Variants in GABBR1 observed in about 807,000 individuals in gnomAD.
The protein encoded by GABBR1 is gamma-aminobutyric acid type B receptor subunit 1, also known as GABA-B receptor, R1 subunit.
In GABBR1, 35 loss-of-function variants were observed where a neutral mutation model predicts 117.7. The ratio of observed to expected loss-of-function variants is 0.30; its 90% CI spans 0.23 to 0.39. The LOEUF is 0.39. Among genes scored for constraint, GABBR1 ranks in the 10% least tolerant of loss-of-function variants. The pLI, the probability that GABBR1 is intolerant of heterozygous loss-of-function variation, is 1.00. For missense variants in GABBR1, 709 were observed against 1,241.8 expected, an observed-to-expected ratio of 0.57 and a Z score of 6.45; for synonymous variants, 442 against 486.6, an observed-to-expected ratio of 0.91 and a Z score of 1.21.
At position 29,621,105 on chromosome 6, in the gene GABBR1, T is replaced by C; in HGVS notation, c.1319A>G (p.Asn440Ser). ...TGCAAGTCCCCACACTCTCACCATG[T>C]TGGAAATGCTGCGGGTATTGGCAGG... ...LNPANTRSISNMTSQEFVEKL... is the reference protein window; with the variant it reads ...LNPANTRSISSMTSQEFVEKL... Residue 440 changes from asparagine (N) to serine (S), a missense_variant, in exon 11 of 23, where the codon AAC becomes AGC. Asn to Ser is a conservative substitution (Grantham distance 46). This residue lies in a region of GABBR1 where 192 missense variants were observed against 418.4 expected (regional missense o/e 0.46). Coordinates refer to ENST00000377034, the MANE Select transcript of GABBR1 (RefSeq NM_001470.4). The surrounding 1 kb of genome is among the most constrained non-coding windows in gnomAD (Gnocchi z 5.0). 1.2e-6 allele frequency: 2 copies of C among 1,612,078 alleles called. No homozygotes were observed. The highest frequency in any genetic ancestry group is 2.2e-5 in the East Asian group (1 of 44,876).
rs1029798845 is a variant in GABBR1 at position 29,606,269 on chromosome 6, A to G, written c.2311+122T>C. The G allele has an allele frequency of 2.7e-6, 2 of 730,766 alleles. No individual in the cohort carries two copies. Among genetic ancestry groups the G allele is most frequent in the Non-Finnish European group, 5.0e-6 (2 of 403,616 alleles). 45.3% of individuals were successfully genotyped at this position (730,766 alleles called of 1,614,324 possible). A position where few individuals can be genotyped will look rare whatever the true frequency, so the allele number is the denominator to read the frequency against. The stretch of plus-strand genomic sequence containing the variant: ...TGCAATAACAAAGAGTAGGGTGTTC[A>G]AACTGGGTTGACAAGCTCTCTACCT... On this transcript the variant is annotated intron_variant, in intron 19 of 22. Transcript: ENST00000377034. This position sits in a 1 kb window ranked among gnomAD's most constrained non-coding sequence, Gnocchi z 4.5.
Position 29,625,557 on chromosome 6 carries a change from C to A in GABBR1, c.658-1533G>T, listed in dbSNP as rs186601321. On this transcript the variant is annotated intron_variant, in intron 6 of 22. Coordinates refer to ENST00000377034, the MANE Select transcript of GABBR1 (RefSeq NM_001470.4). ...CTCCCCAATAGATTTCCTTAGTTCTCCTCCCTCTCTTTGCTCTTGCAAGGA... is the reference window on the plus strand; with the variant it reads ...CTCCCCAATAGATTTCCTTAGTTCTACTCCCTCTCTTTGCTCTTGCAAGGA... Among the ~76,000 whole-genome samples the A allele has an allele frequency of 4.1e-4, 63 of 152,286 alleles. 1 individual carries two copies. The East Asian group carries it at 0.012, about 29-fold the overall frequency.
At position 29,605,352 on chromosome 6, in the gene GABBR1, A is replaced by G; in HGVS notation, c.2439+217T>C. ...GTTTCCTCACCTATAAAGTGGGGAT[A>G]CTAATATCTACTTCACTGGGTAGTT... On this transcript the variant is annotated intron_variant, in intron 20 of 22. Transcript: ENST00000377034. The surrounding 1 kb of genome is among the most constrained non-coding windows in gnomAD (Gnocchi z 4.2). The G allele has an allele frequency of 1.8e-5, 11 of 603,890 alleles. No homozygotes were observed. The highest frequency in any genetic ancestry group is 2.9e-5 in the Non-Finnish European group (10 of 345,594). The allele number at this position is 603,890 out of a possible 1,614,324, so 37.4% of individuals were successfully genotyped here. A position where few individuals can be genotyped will look rare whatever the true frequency, so the allele number is the denominator to read the frequency against.
rs760630824 is a variant in GABBR1 at position 29,611,017 on chromosome 6, T to C, written c.1631-16A>G. Reference sequence around the variant, plus strand: ...TAGCTGCCACCTGGGCAGACGACAATAAAAGGAGTGACCACAGGTAGCCAA... The same window carrying C: ...TAGCTGCCACCTGGGCAGACGACAACAAAAGGAGTGACCACAGGTAGCCAA... On this transcript the variant is annotated splice_polypyrimidine_tract_variant and intron_variant, in intron 13 of 22. Transcript: ENST00000377034. This position sits in a 1 kb window ranked among gnomAD's most constrained non-coding sequence, Gnocchi z 4.6. 6 of 1,607,570 alleles carry C rather than the reference T, an allele frequency of 3.7e-6. No individual in the cohort carries two copies. Among genetic ancestry groups the C allele is most frequent in the South Asian group, 1.1e-5 (1 of 90,962 alleles).
chr6:29,622,448 G>GCCACTCCATTCAC lies in GABBR1; in HGVS notation c.964-256_964-244dup. On this transcript the variant is annotated intron_variant, in intron 8 of 22. Transcript: ENST00000377034. The surrounding 1 kb of genome is among the most constrained non-coding windows in gnomAD (Gnocchi z 4.6). The stretch of plus-strand genomic sequence containing the variant: ...CCTGCTGAGGCTCTGTGTGGGGGAA[G>GCCACTCCATTCAC]CCACTCCATTCACCCACTCCTACCA... 1 of 532,840 alleles carries GCCACTCCATTCAC rather than the reference G, an allele frequency of 1.9e-6. No individual in the cohort carries two copies. Among genetic ancestry groups the GCCACTCCATTCAC allele is most frequent in the Non-Finnish European group, 3.4e-6 (1 of 298,344 alleles). 33.0% of individuals were successfully genotyped at this position (532,840 alleles called of 1,614,324 possible).
rs544578031 is a variant in GABBR1, at chr6:29,613,592, T to G, written c.1324-107A>C. The G allele has an allele frequency of 2.7e-5, 37 of 1,362,010 alleles. 1 individual carries two copies. In the South Asian group the frequency reaches 5.0e-4, roughly 18 times the overall value. The allele number at this position is 1,362,010 out of a possible 1,614,324, so 84.4% of individuals were successfully genotyped here. A position where few individuals can be genotyped will look rare whatever the true frequency, so the allele number is the denominator to read the frequency against. On this transcript the variant is annotated intron_variant, in intron 11 of 22. Transcript: ENST00000377034. This position sits in a 1 kb window ranked among gnomAD's most constrained non-coding sequence, Gnocchi z 4.1. ...CACTTCTACTTGAATGGATGGTTTG[T>G]GTTACTGTTGTCAGATTGGACACAT...
In GABBR1 at chr6:29,630,896, CT is replaced by C. The variant is rs1357650228; in HGVS notation, c.290-254del. ...GCTATAAGCACACAAAATGGGATCT[CT>C]TCAAAGTCAGCTACAGTGGGCGGTT... is the stretch of plus-strand genomic sequence containing the variant. On this transcript the variant is annotated intron_variant, in intron 3 of 22. Coordinates refer to ENST00000377034, the MANE Select transcript of GABBR1 (RefSeq NM_001470.4). The surrounding 1 kb of genome is among the most constrained non-coding windows in gnomAD (Gnocchi z 4.9). Among the ~76,000 whole-genome samples, 3 of 152,172 alleles carry C rather than the reference CT, an allele frequency of 2.0e-5. No individual in the cohort carries two copies. Among genetic ancestry groups the C allele is most frequent in the African/African-American group, 7.2e-5 (3 of 41,434 alleles).
chr6:29,605,165 C>A lies in GABBR1; in HGVS notation c.2440-177G>T. The A allele has an allele frequency of 2.8e-6, 2 of 717,060 alleles. No homozygotes were observed. The highest frequency in any genetic ancestry group is 2.2e-6 in the Non-Finnish European group (1 of 453,662). The allele number at this position is 717,060 out of a possible 1,614,324, so 44.4% of individuals were successfully genotyped here. ...GATTGAGAAAAATCTCAAACTGTCC[C>A]AAACCAGTTTTCACTCTTGGTTAAC... On this transcript the variant is annotated intron_variant, in intron 20 of 22. Coordinates refer to ENST00000377034, the MANE Select transcript of GABBR1 (RefSeq NM_001470.4). This position sits in a 1 kb window ranked among gnomAD's most constrained non-coding sequence, Gnocchi z 4.2.
At chr6:29,610,105 T>C (rs921023865) in intron 14 of GABBR1, among the ~76,000 whole-genome samples, 1 of 150,218 alleles carries the variant, frequency 6.7e-6, no homozygotes, top group Non-Finnish European at 1.5e-5. Flanking sequence ...CCAGCAGTGC[T>C]GGGAATGACT....
In GABBR1 at chr6:29,630,111, A is replaced by C. The variant is rs547162274; in HGVS notation, c.475+347T>G. 1 of 256,366 alleles carries C rather than the reference A, an allele frequency of 3.9e-6. No homozygotes were observed. The highest frequency in any genetic ancestry group is 2.2e-5 in the African/African-American group (1 of 45,474). The allele number at this position is 256,366 out of a possible 1,614,324, so 15.9% of individuals were successfully genotyped here. A position where few individuals can be genotyped will look rare whatever the true frequency, so the allele number is the denominator to read the frequency against. On this transcript the variant is annotated intron_variant, in intron 4 of 22. Transcript: ENST00000377034. This position sits in a 1 kb window ranked among gnomAD's most constrained non-coding sequence, Gnocchi z 4.9. ...ATTCTAGAAGAGGGTGATGCATGGA[A>C]ATTTCTAAGTTTAGAGAAAGGGAAA...
In GABBR1 at chr6:29,622,227, A is replaced by C; in HGVS notation, c.964-22T>G. ...GAGTCTTGGGTGGGAATAAAAAACAAGTTGGAAAAACACGGGGTGCATGAG... is the reference window on the plus strand; with the variant it reads ...GAGTCTTGGGTGGGAATAAAAAACACGTTGGAAAAACACGGGGTGCATGAG... On this transcript the variant is annotated intron_variant, in intron 8 of 22. Coordinates refer to ENST00000377034, the MANE Select transcript of GABBR1 (RefSeq NM_001470.4). This position sits in a 1 kb window ranked among gnomAD's most constrained non-coding sequence, Gnocchi z 4.6. 6.4e-7 allele frequency: 1 copy of C among 1,563,360 alleles called. No individual in the cohort carries two copies. The highest frequency in any genetic ancestry group is 2.2e-5 in the East Asian group (1 of 44,614).
chr6:29,627,995 C>T lies in GABBR1; in HGVS notation c.497-349G>A. 1 of 1,339,286 alleles carries T rather than the reference C, an allele frequency of 7.5e-7. No individual in the cohort carries two copies. The highest frequency in any genetic ancestry group is 9.5e-7 in the Non-Finnish European group (1 of 1,054,362). 83.0% of individuals were successfully genotyped at this position (1,339,286 alleles called of 1,614,324 possible). ...TCGCCACCGTCGCCGCCACCGCGGA[C>T]TCTCCTCGCGGACTGACTGACCGAC... is the stretch of plus-strand genomic sequence containing the variant. On this transcript the variant is annotated intron_variant, in intron 5 of 22. Transcript: ENST00000377034. This position sits in a 1 kb window ranked among gnomAD's most constrained non-coding sequence, Gnocchi z 4.4.
rs1305157743 is a variant in GABBR1, at chr6:29,611,822, A to G, written c.1630+729T>C. Among the ~76,000 whole-genome samples the G allele has an allele frequency of 6.6e-6, 1 of 151,882 alleles. No individual in the cohort carries two copies. On this transcript the variant is annotated intron_variant, in intron 13 of 22. Coordinates refer to ENST00000377034, the MANE Select transcript of GABBR1 (RefSeq NM_001470.4). This position sits in a 1 kb window ranked among gnomAD's most constrained non-coding sequence, Gnocchi z 4.6. ...CAAGCTATACACATTGAAGCTTTAC[A>G]CAGCAAGGAAATTTGGCAGATTCCC... is the stretch of plus-strand genomic sequence containing the variant.
Position 29,630,544 on chromosome 6 carries a change from C to A in GABBR1, c.389G>T (p.Arg130Leu). 2 of 1,613,102 alleles carry A rather than the reference C, an allele frequency of 1.2e-6. No individual in the cohort carries two copies. The highest frequency in any genetic ancestry group is 1.7e-6 in the Non-Finnish European group (2 of 1,180,032). The change falls in exon 4 of 23, where the codon CGG (arginine) becomes CTG (leucine). Residue 130 changes from arginine to leucine, a missense_variant. This residue lies in a region of GABBR1 where 101 missense variants were observed against 132.3 expected (regional missense o/e 0.76). Coordinates refer to ENST00000377034, the MANE Select transcript of GABBR1 (RefSeq NM_001470.4). The surrounding 1 kb of genome is among the most constrained non-coding windows in gnomAD (Gnocchi z 4.9). ...PALDGARVDF[R>L]CDPDFHLVGS... ...CACCAGATGGAAGTCGGGGTCACAC[C>A]GGAAATCCACCCGGGCTCCGTCCAG...
In GABBR1 at chr6:29,630,530, A is replaced by C; in HGVS notation, c.403T>G (p.Phe135Val). The C allele has an allele frequency of 6.2e-7, 1 of 1,613,104 alleles. No individual in the cohort carries two copies. The highest frequency in any genetic ancestry group is 8.5e-7 in the Non-Finnish European group (1 of 1,180,030). The change falls in exon 4 of 23, where the codon TTC becomes GTC. Residue 135 changes from phenylalanine to valine, a missense_variant. By Grantham distance (50) the Phe-to-Val change is conservative. Coordinates refer to ENST00000377034, the MANE Select transcript of GABBR1 (RefSeq NM_001470.4). This position sits in a 1 kb window ranked among gnomAD's most constrained non-coding sequence, Gnocchi z 4.9. ...CTCCGGGAGCTGCCCACCAGATGGA[A>C]GTCGGGGTCACACCGGAAATCCACC... Reference protein sequence around the residue: ...ARVDFRCDPDFHLVGSSRSIC... With the variant: ...ARVDFRCDPDVHLVGSSRSIC...
intron 4 of GABBR1, 103 bp from the exon 5 acceptor site, chr6:29,629,210 G>C (rs780276343): frequency 3.8e-6 from 5 of 1,329,038 alleles, no homozygotes; most frequent in South Asian, 1.2e-5. Context: ...GCTGAAGACC[G>C]GGGAGAGCAG....
In GABBR1 at chr6:29,620,767, A is replaced by C. The variant is rs29223; in HGVS notation, c.1323+334T>G. Among the ~76,000 whole-genome samples the C allele has an allele frequency of 0.098, 14,898 of 152,242 alleles. 857 individuals carry two copies. Among genetic ancestry groups the C allele is most frequent in the Middle Eastern group, 0.21 (62 of 294 alleles). On this transcript the variant is annotated intron_variant, in intron 11 of 22. Coordinates refer to ENST00000377034, the MANE Select transcript of GABBR1 (RefSeq NM_001470.4). The surrounding 1 kb of genome is among the most constrained non-coding windows in gnomAD (Gnocchi z 4.5). ...CAGTGCTCCTGTAAAGGTGTGCTTG[A>C]GTATACAAGCATCCATATTATCATT...
Position 29,627,626 on chromosome 6 carries a change from C to A in GABBR1, c.517G>T (p.Gly173Trp), listed in dbSNP as rs866745565. The A allele has an allele frequency of 6.4e-7, 1 of 1,560,178 alleles. No homozygotes were observed. Among genetic ancestry groups the A allele is most frequent in the East Asian group, 2.4e-5 (1 of 41,740 alleles). Residue 173 changes from glycine to tryptophan, a missense_variant, in exon 6 of 23, where the codon GGG becomes TGG. Around this residue, in one of 9 missense-constraint regions of GABBR1, gnomAD observed 192 missense variants for 418.4 expected, o/e 0.46. Transcript: ENST00000377034. The surrounding 1 kb of genome is among the most constrained non-coding windows in gnomAD (Gnocchi z 4.4). The part of the protein sequence containing the change: ...PHSERRAVYI[G>W]ALFPMSGGWP... ...CCCCCGCTCATGGGAAACAGTGCCC[C>A]GATGTACACTGCGCGCCGTTCTGAG...
At chr6:29,619,630 A>G (rs1250509100) in intron 11 of GABBR1, among the ~76,000 whole-genome samples, 1 of 151,610 alleles carries the variant, frequency 6.6e-6, no homozygotes, top group Non-Finnish European at 1.5e-5. Context: ...GCTGGGGACT[A>G]CAGGTGTGAG....
Sources: allele counts gnomAD v4.1 joint callset (sites outside exome capture counted in the v4.1 genomes callset), GRCh38; gene constraint gnomAD v4.1.1; regional missense constraint gnomAD v4.1.1; non-coding constraint Gnocchi (gnomAD v3.1); transcripts MANE v1.5; gene names NCBI Gene and HGNC (gene_info 2026-07-23, HGNC 2026-07-21).